Variants in MYLK observed in about 807,000 individuals in gnomAD.
The protein encoded by MYLK is myosin light chain kinase.
MYLK carries 106 observed loss-of-function variants against 203.4 expected under a neutral mutation model. That is an observed-to-expected ratio of 0.52 (90% CI 0.45 to 0.61). MYLK has a LOEUF of 0.61. MYLK is among the 20% of genes least tolerant of loss of function. The pLI, the probability that MYLK is intolerant of heterozygous loss-of-function variation, is 0.00. For synonymous variants in MYLK, 867 were observed against 959.5 expected, an observed-to-expected ratio of 0.90 and a Z score of 1.78; for missense variants, 2,072 against 2,442.3, an observed-to-expected ratio of 0.85 and a Z score of 3.20.
chr3:123,866,909 C>G (rs1013573705), intron 2 of MYLK, among the ~76,000 whole-genome samples: 12 of 152,148 alleles, frequency 7.9e-5, no homozygotes, highest in Non-Finnish European at 1.6e-4. Context: ...TTCCAGGTAG[C>G]CTGAGACTTA....
At chr3:123,636,702 T>C in intron 29 of MYLK, among the ~76,000 whole-genome samples, 1 of 152,188 alleles carries the variant, frequency 6.6e-6, no homozygotes, top group East Asian at 1.9e-4. Flanking sequence ...CCAGCTGCTG[T>C]CTTCACTTGT....
intron 2 of MYLK, among the ~76,000 whole-genome samples, chr3:123,848,184 T>C (rs1408723709): frequency 1.3e-5 from 2 of 152,024 alleles, no homozygotes; most frequent in African/African-American, 4.8e-5. Flanking sequence ...GTTTTTGATG[T>C]TTATTATCAA....
intron 3 of MYLK, among the ~76,000 whole-genome samples, chr3:123,830,810 G>C (rs1443050575): frequency 6.6e-6 from 1 of 152,178 alleles, no homozygotes; most frequent in Non-Finnish European, 1.5e-5. Context: ...TGCTAAAGCT[G>C]CAGAAAGCAA....
At chr3:123,662,984 C>T (rs1000312633) in intron 23 of MYLK, among the ~76,000 whole-genome samples, 8 of 152,276 alleles carry the variant, frequency 5.3e-5, no homozygotes, top group East Asian at 3.9e-4. Context: ...AAAACCCGCT[C>T]GGGTCTCGTG....
intron 3 of MYLK, among the ~76,000 whole-genome samples, chr3:123,818,799 T>A (rs1217431496): frequency 6.6e-6 from 1 of 152,240 alleles, no homozygotes; most frequent in Non-Finnish European, 1.5e-5. Context: ...CAGCACCTGA[T>A]AATCTTAGTT....
chr3:123,809,906 T>C (rs2065498530), intron 3 of MYLK, among the ~76,000 whole-genome samples: 2 of 152,192 alleles, frequency 1.3e-5, no homozygotes, highest in East Asian at 3.8e-4. Flanking sequence ...GGAATCCTCT[T>C]CTATATTCCA....
intron 5 of MYLK, among the ~76,000 whole-genome samples, chr3:123,740,773 G>C (rs1313055382): frequency 6.6e-6 from 1 of 152,278 alleles, no homozygotes; most frequent in Non-Finnish European, 1.5e-5. Context: ...GGCACTGCCA[G>C]TCGGTCCTAG....
intron 10 of MYLK, 139 bp downstream of exon 10, chr3:123,733,548 G>A: frequency 9.7e-7 from 1 of 1,033,514 alleles, no homozygotes. Flanking sequence ...GAAGGCCCTT[G>A]TAAGGTGGTT....
chr3:123,833,292 T>C (rs1409925174), intron 2 of MYLK, among the ~76,000 whole-genome samples: 1 of 152,134 alleles, frequency 6.6e-6, no homozygotes, highest in African/African-American at 2.4e-5. Context: ...CAGCAGGACA[T>C]CTCTTGACCT....
At chr3:123,735,684 G>GA (rs938070071) in intron 8 of MYLK, 47 of 435,338 alleles carry the variant, frequency 1.1e-4, no homozygotes, top group South Asian at 1.3e-4. Flanking sequence ...TAAACAGAAG[G>GA]AAAAAAAACC....
chr3:123,652,005 G>A (rs534545669), intron 24 of MYLK, among the ~76,000 whole-genome samples: 3 of 152,324 alleles, frequency 2.0e-5, no homozygotes, highest in South Asian at 2.1e-4. Flanking sequence ...CCAGCTATTC[G>A]GGAGGCTGAG....
chr3:123,772,536 G>GA (rs2063917435), intron 4 of MYLK, among the ~76,000 whole-genome samples: 1 of 151,988 alleles, frequency 6.6e-6, no homozygotes, highest in South Asian at 2.1e-4. Flanking sequence ...ACTAATAGTG[G>GA]AAAGCATAAA....
intron 27 of MYLK, among the ~76,000 whole-genome samples, chr3:123,645,843 T>C (rs548822629): frequency 7.2e-5 from 11 of 152,190 alleles, no homozygotes; most frequent in Non-Finnish European, 1.0e-4. Flanking sequence ...CCATAGCAAT[T>C]TGCTGAAAAA....
chr3:123,853,160 C>T (rs756478918), intron 2 of MYLK, among the ~76,000 whole-genome samples: 2 of 151,944 alleles, frequency 1.3e-5, no homozygotes, highest in Non-Finnish European at 2.9e-5. Flanking sequence ...AGTTTTTATA[C>T]AATGAGTTGG....
chr3:123,737,223 G>GAA (rs5852360), intron 8 of MYLK, 155 bp downstream of exon 8: 31,405 of 609,126 alleles, frequency 0.052, 2 homozygotes, highest in Non-Finnish European at 0.059. Context: ...TGTCTGAAGA[G>GAA]AAAAAAAAAA....
rs529155277 is a variant in MYLK at position 123,664,380 on chromosome 3, G to A, written c.3832-122C>T. 30 of 1,373,212 alleles carry A rather than the reference G, an allele frequency of 2.2e-5. No homozygotes were observed. The African/African-American group carries it at 3.6e-4, about 16-fold the overall frequency. The allele number at this position is 1,373,212 out of a possible 1,614,324, so 85.1% of individuals were successfully genotyped here. ...GCTGGACAAGCTGTGGGGGGGCTCA[G>A]TCTGGTCTGGACTCTGCCCTTCTCC... On this transcript the variant is annotated intron_variant, in intron 22 of 33. Transcript: ENST00000360304.
intron 4 of MYLK, among the ~76,000 whole-genome samples, chr3:123,780,888 C>A (rs2064271721): frequency 6.6e-6 from 1 of 152,034 alleles, no homozygotes; most frequent in African/African-American, 2.4e-5. Context: ...ACTTAAATAA[C>A]CAGAACATAA....
chr3:123,826,473 A>C (rs2066123409), intron 3 of MYLK, among the ~76,000 whole-genome samples: 1 of 152,216 alleles, frequency 6.6e-6, no homozygotes, highest in African/African-American at 2.4e-5. Flanking sequence ...CACAAGCATA[A>C]GAAACAGACC....
At chr3:123,701,320 T>C in intron 17 of MYLK, 118 bp downstream of exon 17, 1 of 1,081,982 alleles carries the variant, frequency 9.2e-7, no homozygotes, top group South Asian at 1.4e-5. Flanking sequence ...CTTCTGGCTT[T>C]GGCAGCCTCA....
Sources: allele counts gnomAD v4.1 joint callset (sites outside exome capture counted in the v4.1 genomes callset), GRCh38; gene constraint gnomAD v4.1.1; transcripts MANE v1.5; gene names NCBI Gene and HGNC (gene_info 2026-07-23, HGNC 2026-07-21).